Variants in KLC2 observed in about 807,000 individuals in gnomAD.
KLC2 encodes the protein KLC 2.
Under a neutral mutation model 75.1 loss-of-function variants are expected in KLC2, and 35 were observed. That is an observed-to-expected ratio of 0.47 (90% CI 0.36 to 0.62). The LOEUF (loss-of-function observed/expected upper bound fraction) is 0.62. Among genes scored for constraint, KLC2 ranks in the 20% least tolerant of loss-of-function variants. The pLI is 0.00. For missense variants in KLC2, 611 were observed against 833.2 expected (o/e 0.73, Z 3.28); for synonymous variants, 314 against 336.7 (o/e 0.93, Z 0.74).
chr11:66,253,341 A>C (rs557710650), upstream of KLC2, among the ~76,000 whole-genome samples: 3 of 152,256 alleles, frequency 2.0e-5, no homozygotes, highest in East Asian at 5.8e-4. Flanking sequence ...AAAGGGAGGG[A>C]ATCTAGCCAA....
chr11:66,267,069 T>TCAGGG lies in KLC2; in HGVS notation c.*113_*114insCAGGG. 1 of 1,559,914 alleles carries TCAGGG rather than the reference T, an allele frequency of 6.4e-7. No individual in the cohort carries two copies. Among genetic ancestry groups the TCAGGG allele is most frequent in the Non-Finnish European group, 8.7e-7 (1 of 1,153,212 alleles). On this transcript the variant is annotated 3_prime_UTR_variant, in exon 16 of 16. Transcript: ENST00000394067. ...CTGTCTCTCCCACAGCCCCTGTCTT[T>TCAGGG]TCTGTTCAATCTCAGGGTAACCTTC...
At chr11:66,263,789 C>G in intron 6 of KLC2, 42 bp downstream of exon 6, 1 of 1,600,432 alleles carries the variant, frequency 6.2e-7, no homozygotes, top group Non-Finnish European at 8.6e-7. Context: ...GTGCCCCATC[C>G]CCTGCAGGTC....
chr11:66,262,068 C>A, intron 3 of KLC2, 55 bp from the exon 4 acceptor site: 1 of 1,589,432 alleles, frequency 6.3e-7, no homozygotes, highest in African/African-American at 1.3e-5. Flanking sequence ...AGCCCATGGA[C>A]ACCCCGGCTG....
intron 11 of KLC2, chr11:66,265,454 C>T (rs1856756271): frequency 1.5e-6 from 1 of 667,784 alleles, no homozygotes; most frequent in East Asian, 2.8e-5. Context: ...CCATGAGGGC[C>T]CTGGGGCCAG....
the KLC2 span, among the ~76,000 whole-genome samples, chr11:66,247,215 CTT>C: frequency 1.4e-4 from 22 of 152,314 alleles, no homozygotes; most frequent in South Asian, 2.1e-4. Flanking sequence ...GCGATTATCT[CTT>C]GTCTGGATAT....
In KLC2 at chr11:66,267,219, T is replaced by G; in HGVS notation, c.*263T>G. On this transcript the variant is annotated 3_prime_UTR_variant, in exon 16 of 16. Coordinates refer to ENST00000394067, the MANE Select transcript of KLC2 (RefSeq NM_001318734.2). The stretch of plus-strand genomic sequence containing the variant: ...GGCCAGCAGGAGGTGCCGGCTGGAG[T>G]CTCCACCATAGACTCAGTGGCCTGG... 1 of 1,530,844 alleles carries G rather than the reference T, an allele frequency of 6.5e-7. No homozygotes were observed. The highest frequency in any genetic ancestry group is 2.5e-5 in the East Asian group (1 of 40,764). 94.8% of individuals were successfully genotyped at this position (1,530,844 alleles called of 1,614,324 possible).
At chr11:66,253,005 CTTTTTTTTTTTT>C (rs34358719), upstream of KLC2, among the ~76,000 whole-genome samples, 1,997 of 122,938 alleles carry the variant, frequency 0.016, 48 homozygotes, top group African/African-American at 0.055. Context: ...AATGTGCTGA[CTTTTTTTTTTTT>C]TTTTTTTTTG....
intron 2 of KLC2, 136 bp from the exon 3 acceptor site, chr11:66,261,606 A>G: frequency 1.6e-6 from 1 of 606,934 alleles, no homozygotes; most frequent in South Asian, 2.0e-5. Context: ...TGACAAGCAG[A>G]GAAAAGACCT....
In KLC2 at chr11:66,261,846, G is replaced by A; in HGVS notation, c.333G>A (p.Glu111=). ...TGCAGGAGAACCAGTGGCTGCGTGA[G>A]GAGCTGGCGGGGACACAGCAGAAGC... ...RLVQENQWLR[E]ELAGTQQKLQ... The change falls in exon 3 of 16, where the codon GAG becomes GAA. Residue 111 remains glutamate, a synonymous_variant. Transcript: ENST00000394067. 1 of 1,613,898 alleles carries A rather than the reference G, an allele frequency of 6.2e-7. No homozygotes were observed. The highest frequency in any genetic ancestry group is 1.7e-5 in the Admixed American group (1 of 60,020).
At chr11:66,254,115 G>T (rs534204834), upstream of KLC2, among the ~76,000 whole-genome samples, 27 of 152,238 alleles carry the variant, frequency 1.8e-4, no homozygotes, top group African/African-American at 5.3e-4. Context: ...CCAGCTACTC[G>T]GGAGGCTGAG....
Position 66,266,927 on chromosome 11 carries a change from C to G in KLC2, c.1840C>G (p.Leu614Val), listed in dbSNP as rs1250905026. The G allele has an allele frequency of 1.2e-6, 2 of 1,613,430 alleles. No homozygotes were observed. The highest frequency in any genetic ancestry group is 1.1e-5 in the South Asian group (1 of 91,082). Residue 614 changes from leucine (L) to valine (V), a missense_variant, in exon 16 of 16, where the codon CTC becomes GTC. Coordinates refer to ENST00000394067, the MANE Select transcript of KLC2 (RefSeq NM_001318734.2). ...CACTCTCAGCTCCAGCTCCATGGAC[C>G]TCTCCCGACGAAGCTCCCTGGTGGG... is the stretch of plus-strand genomic sequence containing the variant. ...SRTLSSSSMDLSRRSSLVG is the reference protein window; with the variant it reads ...SRTLSSSSMDVSRRSSLVG
At chr11:66,246,576 T>G in the KLC2 span, among the ~76,000 whole-genome samples, 4 of 152,148 alleles carry the variant, frequency 2.6e-5, no homozygotes, top group Non-Finnish European at 5.9e-5. Context: ...TTCCACCCAC[T>G]TACATGCATC....
At chr11:66,262,497 A>G in intron 4 of KLC2, 1 of 548,446 alleles carries the variant, frequency 1.8e-6, no homozygotes, top group Non-Finnish European at 3.3e-6. Flanking sequence ...GCACATGCAG[A>G]CAGCCACAAT....
the KLC2 span, among the ~76,000 whole-genome samples, chr11:66,249,291 G>A: frequency 6.6e-6 from 1 of 152,088 alleles, no homozygotes; most frequent in Admixed American, 6.6e-5. Flanking sequence ...GGTTGACCTG[G>A]GCTCCTCACT....
At chr11:66,263,115 GC>G in intron 5 of KLC2, 79 bp downstream of exon 5, 1 of 1,067,032 alleles carries the variant, frequency 9.4e-7, no homozygotes, top group Non-Finnish European at 1.4e-6. Flanking sequence ...CCTGCTGTGG[GC>G]CAGGACTCGT....
the KLC2 span, among the ~76,000 whole-genome samples, chr11:66,246,544 G>C: frequency 3.9e-5 from 6 of 152,248 alleles, no homozygotes; most frequent in Admixed American, 6.5e-5. Flanking sequence ...CTGCACTGCG[G>C]GTTCTCCCCT....
upstream of KLC2, among the ~76,000 whole-genome samples, chr11:66,252,365 A>C (rs1454395989): frequency 7.2e-5 from 11 of 152,070 alleles, no homozygotes; most frequent in African/African-American, 2.7e-4. Context: ...GGCTCACCGC[A>C]AGCTCCGCCT....
At chr11:66,264,514 C>A in intron 9 of KLC2, 70 bp downstream of exon 9, 1 of 1,143,924 alleles carries the variant, frequency 8.7e-7, no homozygotes, top group Non-Finnish European at 1.3e-6. Context: ...GCACCCAGGA[C>A]AAATCCCTCA....
chr11:66,266,803 C>T lies in KLC2; in HGVS notation c.1786-70C>T, dbSNP rs557324193. 2.4e-5 allele frequency: 37 copies of T among 1,515,292 alleles called. No individual in the cohort carries two copies. The African/African-American group carries it at 2.6e-4, about 11-fold the overall frequency. 93.9% of individuals were successfully genotyped at this position (1,515,292 alleles called of 1,614,324 possible). A position where few individuals can be genotyped will look rare whatever the true frequency, so the allele number is the denominator to read the frequency against. On this transcript the variant is annotated intron_variant, in intron 15 of 15. Coordinates refer to ENST00000394067, the MANE Select transcript of KLC2 (RefSeq NM_001318734.2). ...TTCCGGCTGCCTCTGCCAGGTCAGA[C>T]CCCTTCAGGCCAGGGAGGCACAGAC...
Sources: allele counts gnomAD v4.1 joint callset (sites outside exome capture counted in the v4.1 genomes callset), GRCh38; gene constraint gnomAD v4.1.1; transcripts MANE v1.5; gene names NCBI Gene and HGNC (gene_info 2026-07-23, HGNC 2026-07-21).